The following RFX2 variants were observed in gnomAD, a reference collection of about 807,000 sequenced individuals.
RFX2 encodes the protein DNA-binding protein RFX2.
In RFX2, 20 loss-of-function variants were observed where a neutral mutation model predicts 87.8. That is an observed-to-expected ratio of 0.23 (90% CI 0.16 to 0.33). RFX2 has a LOEUF of 0.33. RFX2 is among the 10% of genes least tolerant of loss of function. The pLI is 1.00. For missense variants in RFX2, 767 were observed against 1,012.3 expected, an observed-to-expected ratio of 0.76 and a Z score of 3.29; for synonymous variants, 397 against 431.3, an observed-to-expected ratio of 0.92 and a Z score of 0.98.
rs577386460 is a variant in RFX2 at position 6,095,534 on chromosome 19, C to T, written c.-9+14859G>A. Reference sequence around the variant, plus strand: ...GAACAGGGTACCATAAACAATGGGGCAGGGGAGTCTGGGCAGCATCCCGTC... The same window carrying T: ...GAACAGGGTACCATAAACAATGGGGTAGGGGAGTCTGGGCAGCATCCCGTC... On this transcript the variant is annotated intron_variant, in intron 1 of 17. Transcript: ENST00000303657. Among the ~76,000 whole-genome samples the T allele has an allele frequency of 5.9e-5, 9 of 152,008 alleles. No homozygotes were observed. The South Asian group carries it at 8.3e-4, about 14-fold the overall frequency.
In RFX2 at chr19:6,040,324, C is replaced by T; in HGVS notation, c.261-83G>A. On this transcript the variant is annotated intron_variant, in intron 4 of 17. Coordinates refer to ENST00000303657, the MANE Select transcript of RFX2 (RefSeq NM_000635.4). The surrounding 1 kb of genome is among the most constrained non-coding windows in gnomAD (Gnocchi z 6.1). ...AGTTCACAGATATCCAGCCAAACAT[C>T]ACGTAAAAGCTGCAACCCAGAGAGG... The T allele has an allele frequency of 7.1e-7, 1 of 1,413,344 alleles. No individual in the cohort carries two copies. The highest frequency in any genetic ancestry group is 2.4e-5 in the East Asian group (1 of 41,776). 87.6% of individuals were successfully genotyped at this position (1,413,344 alleles called of 1,614,324 possible). A position where few individuals can be genotyped will look rare whatever the true frequency, so the allele number is the denominator to read the frequency against.
At chr19:6,015,905 C>T (rs1375660781) in intron 7 of RFX2, among the ~76,000 whole-genome samples, 185 bp downstream of exon 7, 12 of 152,330 alleles carry the variant, frequency 7.9e-5, no homozygotes, top group East Asian at 1.9e-4. Context: ...CTTCTAAAGC[C>T]GACACCGTGG....
At chr19:6,054,180 A>G (rs1238932564) in intron 1 of RFX2, among the ~76,000 whole-genome samples, 1 of 152,120 alleles carries the variant, frequency 6.6e-6, no homozygotes, top group Non-Finnish European at 1.5e-5. Context: ...TAAAAACACA[A>G]CATAACAAAA....
At position 6,002,907 on chromosome 19, in the gene RFX2, G is replaced by C; in HGVS notation, c.1501-37C>G. 1 of 1,575,762 alleles carries C rather than the reference G, an allele frequency of 6.3e-7. No individual in the cohort carries two copies. The highest frequency in any genetic ancestry group is 2.3e-5 in the East Asian group (1 of 43,940). The stretch of plus-strand genomic sequence containing the variant: ...GGCTCGTGGTGAGCAGGGGTTCGCA[G>C]GGAGAGCCTGTTCCGCTGCGCTCCT... On this transcript the variant is annotated intron_variant, in intron 13 of 17. Coordinates refer to ENST00000303657, the MANE Select transcript of RFX2 (RefSeq NM_000635.4). The surrounding 1 kb of genome is among the most constrained non-coding windows in gnomAD (Gnocchi z 6.7).
intron 1 of RFX2, among the ~76,000 whole-genome samples, chr19:6,051,526 A>T (rs2087266020): frequency 6.6e-6 from 1 of 152,302 alleles, no homozygotes; most frequent in Admixed American, 6.5e-5. Flanking sequence ...ATATATATAC[A>T]AAAAGGTATA....
At chr19:6,052,239 G>A (rs1231318874) in intron 1 of RFX2, among the ~76,000 whole-genome samples, 1 of 152,072 alleles carries the variant, frequency 6.6e-6, no homozygotes, top group Admixed American at 6.6e-5. Context: ...ACTCTGAGAT[G>A]AGAAATATTA....
intron 1 of RFX2, among the ~76,000 whole-genome samples, chr19:6,053,048 A>G (rs1482468935): frequency 6.6e-6 from 1 of 152,156 alleles, no homozygotes; most frequent in Non-Finnish European, 1.5e-5. Flanking sequence ...AAACAAACTA[A>G]ACTTAATAGA....
rs2144735609 is a variant in RFX2 at position 6,026,909 on chromosome 19, G to C, written c.523-672C>G. Among the ~76,000 whole-genome samples the C allele has an allele frequency of 6.6e-6, 1 of 152,348 alleles. No homozygotes were observed. The highest frequency in any genetic ancestry group is 2.4e-5 in the African/African-American group (1 of 41,596). On this transcript the variant is annotated intron_variant, in intron 5 of 17. Transcript: ENST00000303657. The surrounding 1 kb of genome is among the most constrained non-coding windows in gnomAD (Gnocchi z 4.5). ...GGGCAGCTAACAGCAGAACTTCCTG[G>C]AGGAAGGGGCTTTTGAGTTGGATCC...
At chr19:6,075,124 A>C (rs945958202) in intron 1 of RFX2, among the ~76,000 whole-genome samples, 14 of 151,988 alleles carry the variant, frequency 9.2e-5, no homozygotes, top group Non-Finnish European at 4.4e-5. Flanking sequence ...CCCTGCTGGC[A>C]CCCTCTTCTC....
In RFX2 at chr19:6,009,541, T is replaced by C. The variant is rs1216629515; in HGVS notation, c.1015+595A>G. On this transcript the variant is annotated intron_variant, in intron 9 of 17. Coordinates refer to ENST00000303657, the MANE Select transcript of RFX2 (RefSeq NM_000635.4). ...GAAAGCCCAGATAGCAGGCAAATCC[T>C]GGTGCACCCTGAGTAGAGAATATCT... is the stretch of plus-strand genomic sequence containing the variant. Among the ~76,000 whole-genome samples the C allele has an allele frequency of 4.6e-5, 7 of 151,612 alleles. No individual in the cohort carries two copies. In the South Asian group the frequency reaches 1.3e-3, roughly 27 times the overall value.
In RFX2 at chr19:6,039,893, CG is replaced by C; in HGVS notation, c.522+86del. On this transcript the variant is annotated intron_variant, in intron 5 of 17. Coordinates refer to ENST00000303657, the MANE Select transcript of RFX2 (RefSeq NM_000635.4). This position sits in a 1 kb window ranked among gnomAD's most constrained non-coding sequence, Gnocchi z 5.2. Reference sequence around the variant, plus strand: ...GCAGACGACAGCCCCTCCGGGCCTCCGGCTGCCTCTTACTCACCATCCCTGC... The same window carrying C: ...GCAGACGACAGCCCCTCCGGGCCTCCGCTGCCTCTTACTCACCATCCCTGC... 2.1e-6 allele frequency: 3 copies of C among 1,421,728 alleles called. No homozygotes were observed. Among genetic ancestry groups the C allele is most frequent in the Non-Finnish European group, 2.8e-6 (3 of 1,070,310 alleles). 88.1% of individuals were successfully genotyped at this position (1,421,728 alleles called of 1,614,324 possible). A position where few individuals can be genotyped will look rare whatever the true frequency, so the allele number is the denominator to read the frequency against.
chr19:6,068,293 T>C (rs1007024041), intron 1 of RFX2: 3 of 152,192 alleles, frequency 2.0e-5, no homozygotes, highest in Non-Finnish European at 4.4e-5. Context: ...TTGATTTCAA[T>C]AAAATATTTA....
rs1266679705 is a variant in RFX2, at chr19:6,022,714, G to C, written c.597+3449C>G. Among the ~76,000 whole-genome samples the C allele has an allele frequency of 6.6e-6, 1 of 152,224 alleles. No homozygotes were observed. The highest frequency in any genetic ancestry group is 1.5e-5 in the Non-Finnish European group (1 of 68,028). On this transcript the variant is annotated intron_variant, in intron 6 of 17. Coordinates refer to ENST00000303657, the MANE Select transcript of RFX2 (RefSeq NM_000635.4). This position sits in a 1 kb window ranked among gnomAD's most constrained non-coding sequence, Gnocchi z 6.2. The stretch of plus-strand genomic sequence containing the variant: ...CTTTTCCAGTTTGGACACTGCTAGG[G>C]GGCCTCCTCCTCCCTGGGAGTTTCC...
At chr19:6,051,144 TC>T (rs1487525321) in intron 1 of RFX2, among the ~76,000 whole-genome samples, 5 of 152,238 alleles carry the variant, frequency 3.3e-5, no homozygotes, top group African/African-American at 1.2e-4. Flanking sequence ...TAATGGAAGT[TC>T]TTCAGAATGA....
At chr19:6,084,665 G>A (rs369755848) in intron 1 of RFX2, among the ~76,000 whole-genome samples, 3 of 137,038 alleles carry the variant, frequency 2.2e-5, no homozygotes, top group African/African-American at 9.7e-5. Context: ...ACAGAATCTC[G>A]CTCTTGTTGC....
intron 1 of RFX2, among the ~76,000 whole-genome samples, chr19:6,094,140 C>T (rs1325573177): frequency 1.3e-5 from 2 of 152,152 alleles, no homozygotes; most frequent in African/African-American, 4.8e-5. Context: ...GTATGTTTTA[C>T]AGGCCTGTGA....
chr19:6,034,777 GCCACCTCCATGGA>G (rs1405729116), intron 5 of RFX2, among the ~76,000 whole-genome samples: 7 of 152,184 alleles, frequency 4.6e-5, no homozygotes, highest in Non-Finnish European at 1.0e-4. Context: ...GCCTCTGCGA[GCCACCTCCATGGA>G]CCACCAGGAA....
Position 6,002,620 on chromosome 19 carries a change from G to A in RFX2, c.1650+101C>T, listed in dbSNP as rs149376567. On this transcript the variant is annotated intron_variant, in intron 14 of 17. Coordinates refer to ENST00000303657, the MANE Select transcript of RFX2 (RefSeq NM_000635.4). This position sits in a 1 kb window ranked among gnomAD's most constrained non-coding sequence, Gnocchi z 6.7. ...TGCAACAGAACCGTGGCCAGGCTCGGGGCAGGGGCCAGGTTGTGCCACGGG... is the reference window on the plus strand; with the variant it reads ...TGCAACAGAACCGTGGCCAGGCTCGAGGCAGGGGCCAGGTTGTGCCACGGG... The A allele has an allele frequency of 0.014, 20,735 of 1,453,144 alleles. 229 individuals are homozygous for A. Among genetic ancestry groups the A allele is most frequent in the Admixed American group, 0.037 (2,081 of 56,054 alleles). The allele number at this position is 1,453,144 out of a possible 1,614,324, so 90.0% of individuals were successfully genotyped here.
At chr19:6,080,552 G>A (rs1388017930) in intron 1 of RFX2, among the ~76,000 whole-genome samples, 1 of 152,140 alleles carries the variant, frequency 6.6e-6, no homozygotes, top group Non-Finnish European at 1.5e-5. Context: ...GGTGGTGGTG[G>A]AGAGGGCTCC....
Sources: gnomAD v4.1 joint callset for allele counts (sites outside exome capture counted in the v4.1 genomes callset) on GRCh38, gnomAD v4.1.1 for gene constraint, Gnocchi (gnomAD v3.1) non-coding constraint, MANE v1.5 for transcripts, NCBI Gene and HGNC (gene_info 2026-07-23, HGNC 2026-07-21) for gene names.